IDO2: variants seen among roughly 807,000 people sequenced by gnomAD.
IDO2 encodes indoleamine 2,3-dioxygenase 2.
IDO2 carries 46 observed loss-of-function variants against 45.1 expected under a neutral mutation model. That is an observed-to-expected ratio of 1.02 (90% CI 0.80 to 1.30). IDO2 has a LOEUF of 1.30. Among genes scored for constraint, IDO2 ranks in the 50% most tolerant of loss-of-function variants. The probability of loss-of-function intolerance (pLI) is 0.00; values close to 1 mark genes in which losing one functional copy is unlikely to be tolerated. For missense variants in IDO2, 544 were observed against 491.8 expected (o/e 1.11, Z -1.00); for synonymous variants, 218 against 184.9 (o/e 1.18, Z -1.45).
intron 2 of IDO2, among the ~76,000 whole-genome samples, chr8:39,956,252 G>T (rs1807889604): frequency 6.6e-6 from 1 of 151,874 alleles, no homozygotes; most frequent in Non-Finnish European, 1.5e-5. Flanking sequence ...AGTAAAGACG[G>T]GATTTCCCCA....
At chr8:39,985,461 T>A in intron 5 of IDO2, 47 bp from the exon 6 acceptor site, 1 of 1,504,818 alleles carries the variant, frequency 6.6e-7, no homozygotes, top group Non-Finnish European at 9.0e-7. Flanking sequence ...ATTGTTCTTT[T>A]ATTTTTTTTC....
At chr8:39,944,401 A>G (rs2129593108) in intron 1 of IDO2, among the ~76,000 whole-genome samples, 1 of 151,848 alleles carries the variant, frequency 6.6e-6, no homozygotes. Context: ...CCGCTTTTAG[A>G]CTCCCCGTTT....
chr8:40,002,694 C>T (rs1020561555), intron 8 of IDO2, among the ~76,000 whole-genome samples: 6 of 152,004 alleles, frequency 3.9e-5, no homozygotes, highest in African/African-American at 7.2e-5. Flanking sequence ...GCAGGAGAAT[C>T]GCTTGAACCT....
chr8:39,987,794 C>A, intron 6 of IDO2, 77 bp from the exon 7 acceptor site: 2 of 816,646 alleles, frequency 2.4e-6, no homozygotes, highest in Non-Finnish European at 4.1e-6. Context: ...TTATCTAACT[C>A]GGCAGGGAAC....
intron 1 of IDO2, among the ~76,000 whole-genome samples, chr8:39,943,288 G>C (rs938936563): frequency 6.6e-6 from 1 of 152,046 alleles, no homozygotes; most frequent in Non-Finnish European, 1.5e-5. Context: ...GGAGGATCAC[G>C]TGAGCCCAGG....
intron 2 of IDO2, among the ~76,000 whole-genome samples, chr8:39,961,513 G>A (rs1235324338): frequency 6.6e-6 from 1 of 151,692 alleles, no homozygotes; most frequent in African/African-American, 2.4e-5. Context: ...GTAGAGACAG[G>A]ATTTCACCAT....
chr8:39,965,795 G>T (rs1249477538), intron 3 of IDO2, among the ~76,000 whole-genome samples: 5 of 152,150 alleles, frequency 3.3e-5, no homozygotes, highest in African/African-American at 1.2e-4. Context: ...GCCAAGGATT[G>T]CTGGCAGTCA....
chr8:39,994,497 T>C (rs554994048), intron 8 of IDO2, among the ~76,000 whole-genome samples: 115 of 152,288 alleles, frequency 7.6e-4, no homozygotes, highest in African/African-American at 2.6e-3. Context: ...CCTTAGGTGA[T>C]CTGCCCACCT....
At chr8:39,938,918 C>T (rs531148781) in intron 1 of IDO2, among the ~76,000 whole-genome samples, 11 of 152,278 alleles carry the variant, frequency 7.2e-5, no homozygotes, top group African/African-American at 2.6e-4. Context: ...ATTCCAAGTA[C>T]TGACAGCACT....
At chr8:39,966,665 A>G (rs1235934939) in intron 3 of IDO2, among the ~76,000 whole-genome samples, 1 of 152,216 alleles carries the variant, frequency 6.6e-6, no homozygotes, top group Non-Finnish European at 1.5e-5. Context: ...GAAACAAAAT[A>G]TATTAATTGC....
At chr8:39,960,176 G>A (rs951183808) in intron 2 of IDO2, among the ~76,000 whole-genome samples, 2 of 152,084 alleles carry the variant, frequency 1.3e-5, no homozygotes, top group African/African-American at 4.8e-5. Context: ...GACCTTCCAT[G>A]TCATTTCTAT....
intron 9 of IDO2, among the ~76,000 whole-genome samples, chr8:40,005,977 C>T (rs1802214689): frequency 6.6e-6 from 1 of 152,110 alleles, no homozygotes; most frequent in African/African-American, 2.4e-5. Flanking sequence ...CTTTTTGCTC[C>T]TTTTTTCTTC....
At chr8:39,948,297 C>T (rs1287533051) in intron 1 of IDO2, among the ~76,000 whole-genome samples, 1 of 152,206 alleles carries the variant, frequency 6.6e-6, no homozygotes, top group South Asian at 2.1e-4. Context: ...ACATACAACA[C>T]CTTCTGAGCT....
intron 9 of IDO2, among the ~76,000 whole-genome samples, chr8:40,008,201 C>T (rs1466162871): frequency 6.6e-6 from 1 of 152,058 alleles, no homozygotes; most frequent in Non-Finnish European, 1.5e-5. Context: ...CACCCGCCAC[C>T]AGCCCGGCTG....
At chr8:39,939,353 C>T (rs1308603492) in intron 1 of IDO2, among the ~76,000 whole-genome samples, 2 of 151,428 alleles carry the variant, frequency 1.3e-5, no homozygotes, top group Non-Finnish European at 2.9e-5. Flanking sequence ...TGGAGACCAG[C>T]CTTGCCAACA....
At chr8:40,012,575 C>T (rs1057316949) in intron 9 of IDO2, among the ~76,000 whole-genome samples, 9 of 152,332 alleles carry the variant, frequency 5.9e-5, no homozygotes, top group South Asian at 2.1e-4. Context: ...GTGACATGAA[C>T]TTGTTTTGGA....
At chr8:39,940,198 G>C (rs2129592927) in intron 1 of IDO2, among the ~76,000 whole-genome samples, 1 of 152,298 alleles carries the variant, frequency 6.6e-6, no homozygotes, top group South Asian at 2.1e-4. Context: ...TAAGTTTCTG[G>C]GGCTGGGAGT....
intron 2 of IDO2, among the ~76,000 whole-genome samples, chr8:39,961,083 C>A (rs2129593762): frequency 6.6e-6 from 1 of 152,266 alleles, no homozygotes; most frequent in East Asian, 1.9e-4. Context: ...GCACCTGGCC[C>A]TACTGTCTTG....
chr8:39,954,649 C>CTTTT lies in IDO2; in HGVS notation c.99+5406_99+5409dup, dbSNP rs542016899. 4.9e-3 allele frequency among the ~76,000 whole-genome samples: 415 copies of CTTTT among 84,748 alleles called. 9 individuals carry two copies. Among genetic ancestry groups the CTTTT allele is most frequent in the African/African-American group, 6.2e-3 (136 of 21,778 alleles). The allele number at this position is 84,748 out of a possible 152,430, so 55.6% of individuals were successfully genotyped here. A position where few individuals can be genotyped will look rare whatever the true frequency, so the allele number is the denominator to read the frequency against. Reference sequence around the variant, plus strand: ...GCACAAATTCCCTATGTCTCTCTCTCTTTTTTTTTTTTTTTTTTTTTTTTG... The same window carrying CTTTT: ...GCACAAATTCCCTATGTCTCTCTCTCTTTTTTTTTTTTTTTTTTTTTTTTTTTTG... On this transcript the variant is annotated intron_variant, in intron 2 of 10. Coordinates refer to ENST00000502986, the Ensembl canonical transcript of IDO2.
Sources: allele counts gnomAD v4.1 joint callset (sites outside exome capture counted in the v4.1 genomes callset), GRCh38; gene constraint gnomAD v4.1.1; transcripts MANE v1.5; gene names NCBI Gene and HGNC (gene_info 2026-07-23, HGNC 2026-07-21).